CELSR1: variants seen among roughly 807,000 people sequenced by gnomAD.
CELSR1 encodes adhesion G protein-coupled receptor C1.
Under a neutral mutation model 249.1 loss-of-function variants are expected in CELSR1, and 110 were observed. The ratio of observed to expected loss-of-function variants is 0.44; its 90% CI spans 0.38 to 0.52. The LOEUF (loss-of-function observed/expected upper bound fraction) is 0.52, where lower values mean the gene tolerates loss of function less well. CELSR1 is among the 20% of genes least tolerant of loss of function. The pLI is 0.00. For synonymous variants in CELSR1, 2,113 were observed against 1,900.0 expected (o/e 1.11, Z -2.92); for missense variants, 4,109 against 4,296.4 (o/e 0.96, Z 1.22).
In CELSR1 at chr22:46,396,860, A is replaced by G. The variant is rs2079153414; in HGVS notation, c.5702-114T>C. 1.4e-6 allele frequency: 2 copies of G among 1,379,848 alleles called. No individual in the cohort carries two copies. The highest frequency in any genetic ancestry group is 2.0e-6 in the Non-Finnish European group (2 of 1,006,378). The allele number at this position is 1,379,848 out of a possible 1,614,324, so 85.5% of individuals were successfully genotyped here. A position where few individuals can be genotyped will look rare whatever the true frequency, so the allele number is the denominator to read the frequency against. On this transcript the variant is annotated intron_variant, in intron 12 of 34. Coordinates refer to ENST00000674500, the MANE Select transcript of CELSR1 (RefSeq NM_001378328.1). This position sits in a 1 kb window ranked among gnomAD's most constrained non-coding sequence, Gnocchi z 6.4. Reference sequence around the variant, plus strand: ...GATCTGACTTTCCCTGGTACTCAGCAGAGGGAAGAGGAAGAGTGCCACAGA... The same window carrying G: ...GATCTGACTTTCCCTGGTACTCAGCGGAGGGAAGAGGAAGAGTGCCACAGA...
rs1465661651 is a variant in CELSR1, at chr22:46,428,350, G to A, written c.4611+5043C>T. Among the ~76,000 whole-genome samples the A allele has an allele frequency of 6.6e-6, 1 of 152,200 alleles. No homozygotes were observed. The highest frequency in any genetic ancestry group is 2.4e-5 in the African/African-American group (1 of 41,446). ...GCCACCCGTGGCCAGCATGGCGATC[G>A]CGACCAGCACAGCATCGTCCCCGGC... is the stretch of plus-strand genomic sequence containing the variant. On this transcript the variant is annotated intron_variant, in intron 5 of 34. Coordinates refer to ENST00000674500, the MANE Select transcript of CELSR1 (RefSeq NM_001378328.1). The surrounding 1 kb of genome is among the most constrained non-coding windows in gnomAD (Gnocchi z 5.7).
chr22:46,478,753 C>T (rs553260461), intron 1 of CELSR1, among the ~76,000 whole-genome samples: 3 of 151,382 alleles, frequency 2.0e-5, no homozygotes, highest in Non-Finnish European at 4.4e-5. Context: ...GGGGTTTCAC[C>T]ATGTTAGCCA....
At chr22:46,530,332 T>C (rs1326813438) in intron 1 of CELSR1, 1 of 149,118 alleles carries the variant, frequency 6.7e-6, no homozygotes, top group Non-Finnish European at 1.5e-5. Context: ...TTATATATAA[T>C]TCATTATAAC....
intron 9 of CELSR1, among the ~76,000 whole-genome samples, chr22:46,405,527 G>A (rs1039105656): frequency 4.0e-5 from 6 of 151,512 alleles, no homozygotes; most frequent in Admixed American, 6.6e-5. Flanking sequence ...GAACTCCAAA[G>A]TGAGCAGATC....
chr22:46,462,912 G>A (rs11914038), intron 2 of CELSR1: 18,046 of 468,162 alleles, frequency 0.039, 1,093 homozygotes, highest in East Asian at 0.19. Context: ...GATGAGTCAC[G>A]AAATTTCTAC....
intron 1 of CELSR1, among the ~76,000 whole-genome samples, chr22:46,496,065 A>C (rs2080410270): frequency 6.6e-6 from 1 of 150,898 alleles, no homozygotes; most frequent in Non-Finnish European, 1.5e-5. Flanking sequence ...ATGGTGGTGC[A>C]AGCTTGTAAT....
Position 46,464,411 on chromosome 22 carries a change from T to A in CELSR1, c.3545-66A>T. ...GGAGTCACAGGTCCTATAGGCCCCA[T>A]CCCAGGAGCAGCCTCAGGCATGCTT... On this transcript the variant is annotated intron_variant, in intron 1 of 34. Transcript: ENST00000674500. The surrounding 1 kb of genome is among the most constrained non-coding windows in gnomAD (Gnocchi z 8.5). 6.5e-7 allele frequency: 1 copy of A among 1,528,140 alleles called. No homozygotes were observed. Among genetic ancestry groups the A allele is most frequent in the Admixed American group, 1.8e-5 (1 of 54,658 alleles). 94.7% of individuals were successfully genotyped at this position (1,528,140 alleles called of 1,614,324 possible). A position where few individuals can be genotyped will look rare whatever the true frequency, so the allele number is the denominator to read the frequency against.
rs2079295263 is a variant in CELSR1 at position 46,408,728 on chromosome 22, A to T, written c.5226+268T>A. On this transcript the variant is annotated intron_variant, in intron 9 of 34. Transcript: ENST00000674500. The surrounding 1 kb of genome is among the most constrained non-coding windows in gnomAD (Gnocchi z 4.6). Reference sequence around the variant, plus strand: ...TCTGCAATGCCCACGCTCCAGCCAAACCCTCAGGCTAGAGGGAGACCAGAA... The same window carrying T: ...TCTGCAATGCCCACGCTCCAGCCAATCCCTCAGGCTAGAGGGAGACCAGAA... Among the ~76,000 whole-genome samples the T allele has an allele frequency of 1.3e-5, 2 of 152,078 alleles. No individual in the cohort carries two copies. Among genetic ancestry groups the T allele is most frequent in the Non-Finnish European group, 2.9e-5 (2 of 67,998 alleles).
Position 46,473,185 on chromosome 22 carries a change from G to A in CELSR1, c.3545-8840C>T, listed in dbSNP as rs757103550. Among the ~76,000 whole-genome samples the A allele has an allele frequency of 5.3e-5, 8 of 152,130 alleles. No homozygotes were observed. Among genetic ancestry groups the A allele is most frequent in the Non-Finnish European group, 4.4e-5 (3 of 68,024 alleles). ...GGGGTGGACAGGACCCACGCACCAC[G>A]AGGAACCATCGCTGGCCCTTGACAG... On this transcript the variant is annotated intron_variant, in intron 1 of 34. Transcript: ENST00000674500. This position sits in a 1 kb window ranked among gnomAD's most constrained non-coding sequence, Gnocchi z 6.6.
rs775423517 is a variant in CELSR1 at position 46,367,007 on chromosome 22, C to T, written c.8191G>A (p.Ala2731Thr). The part of the protein sequence containing the change: ...LHLEDSATTR[A>T]TLLTRSLNCN... ...GCGCCTCCTACCGTCAGCAGGGTGG[C>T]CCTGGTGGTGGCGGAGTCCTCCAGG... The change falls in exon 29 of 35, where the codon GCC (alanine) becomes ACC (threonine). Residue 2731 changes from alanine (A) to threonine (T), a missense_variant. This residue lies in a region of CELSR1 where 1,805 missense variants were observed against 1,831.6 expected (regional missense o/e 0.99). Coordinates refer to ENST00000674500, the MANE Select transcript of CELSR1 (RefSeq NM_001378328.1). 3 of 1,609,876 alleles carry T rather than the reference C, an allele frequency of 1.9e-6. No individual in the cohort carries two copies. Among genetic ancestry groups the T allele is most frequent in the Non-Finnish European group, 1.7e-6 (2 of 1,179,398 alleles).
chr22:46,499,885 T>C (rs1279067194), intron 1 of CELSR1, among the ~76,000 whole-genome samples: 1 of 151,758 alleles, frequency 6.6e-6, no homozygotes, highest in Non-Finnish European at 1.5e-5. Context: ...CAAACCCCTC[T>C]CCTAAAAGCC....
At position 46,445,682 on chromosome 22, in the gene CELSR1, G is replaced by A. The variant is rs1001262323; in HGVS notation, c.4184-6271C>T. Among the ~76,000 whole-genome samples, 7 of 152,196 alleles carry A rather than the reference G, an allele frequency of 4.6e-5. No homozygotes were observed. The highest frequency in any genetic ancestry group is 1.3e-4 in the Admixed American group (2 of 15,282). ...TGAATTCACTACAGTGGCCCTCCGT[G>A]TTTGTCCTGGAATTGCAATCGCGTA... On this transcript the variant is annotated intron_variant, in intron 2 of 34. Coordinates refer to ENST00000674500, the MANE Select transcript of CELSR1 (RefSeq NM_001378328.1). This position sits in a 1 kb window ranked among gnomAD's most constrained non-coding sequence, Gnocchi z 4.4.
Position 46,397,709 on chromosome 22 carries a change from T to G in CELSR1, c.5666A>C (p.Asp1889Ala), listed in dbSNP as rs1569133996. The G allele has an allele frequency of 6.4e-7, 1 of 1,573,132 alleles. No individual in the cohort carries two copies. The highest frequency in any genetic ancestry group is 1.8e-5 in the Admixed American group (1 of 55,692). The change falls in exon 12 of 35, where the codon GAC becomes GCC. Residue 1889 changes from aspartate (D) to alanine (A), a missense_variant. Physicochemically the swap from Asp to Ala is moderately radical, Grantham distance 126 (BLOSUM62 -2). Around this residue, in one of 7 missense-constraint regions of CELSR1, gnomAD observed 1,805 missense variants for 1,831.6 expected, o/e 0.99. Transcript: ENST00000674500. Reference protein sequence around the residue: ...SPCPPNSRCHDAWEDYSCVCD... With the variant: ...SPCPPNSRCHAAWEDYSCVCD... ...GACGCAGCTGTAGTCCTCCCAGGCG[T>G]CGTGGCAGCGGCTATTGGGGGGACA...
At position 46,536,757 on chromosome 22, in the gene CELSR1, G is replaced by A; in HGVS notation, c.414C>T (p.Gly138=). 1.7e-6 allele frequency: 2 copies of A among 1,182,716 alleles called. No individual in the cohort carries two copies. Among genetic ancestry groups the A allele is most frequent in the East Asian group, 3.8e-5 (1 of 26,142 alleles). The allele number at this position is 1,182,716 out of a possible 1,614,324, so 73.3% of individuals were successfully genotyped here. A position where few individuals can be genotyped will look rare whatever the true frequency, so the allele number is the denominator to read the frequency against. ...GCGCCGAATGCTGCGCGGCCGCGCA[G>A]CCGCCGGGGACGGGGAAGCAGAGCG... ...CGALCFPVPG[G]CAAAQHSALA... Residue 138 remains glycine (G), a synonymous_variant, in exon 1 of 35, where the codon GGC becomes GGT. Coordinates refer to ENST00000674500, the MANE Select transcript of CELSR1 (RefSeq NM_001378328.1).
chr22:46,444,038 C>T (rs1313714509), intron 2 of CELSR1, among the ~76,000 whole-genome samples: 1 of 152,230 alleles, frequency 6.6e-6, no homozygotes, highest in African/African-American at 2.4e-5. Flanking sequence ...CCCTGCCCTT[C>T]CCACAGCCGC....
chr22:46,414,508 C>T (rs375093636), intron 5 of CELSR1, among the ~76,000 whole-genome samples: 4 of 151,972 alleles, frequency 2.6e-5, no homozygotes, highest in East Asian at 3.9e-4. Flanking sequence ...CGCCTCTCGG[C>T]GAGTGTGGGT....
At position 46,391,694 on chromosome 22, in the gene CELSR1, G is replaced by A. The variant is rs748244719; in HGVS notation, c.6087C>T (p.Ile2029=). The change falls in exon 15 of 35, where the codon ATC becomes ATT. Residue 2029 remains isoleucine, a synonymous_variant. Coordinates refer to ENST00000674500, the MANE Select transcript of CELSR1 (RefSeq NM_001378328.1). This position sits in a 1 kb window ranked among gnomAD's most constrained non-coding sequence, Gnocchi z 4.3. Reference sequence around the variant, plus strand: ...TGTCGCAGCGGTTGCACTGGCGGCCGATGACGCCGGGCTTGCAGGCACACT... The same window carrying A: ...TGTCGCAGCGGTTGCACTGGCGGCCAATGACGCCGGGCTTGCAGGCACACT... ...TGQCACKPGV[I]GRQCNRCDNP... 8.7e-6 allele frequency: 14 copies of A among 1,610,016 alleles called. No homozygotes were observed. The highest frequency in any genetic ancestry group is 4.5e-5 in the East Asian group (2 of 44,844).
intron 2 of CELSR1, among the ~76,000 whole-genome samples, chr22:46,443,642 CAT>C (rs1351442550): frequency 1.3e-5 from 2 of 150,050 alleles, no homozygotes; most frequent in African/African-American, 4.9e-5. Flanking sequence ...CCCGTCTACA[CAT>C]GTCCATACAC....
chr22:46,504,546 A>G (rs2080496901), intron 1 of CELSR1, among the ~76,000 whole-genome samples: 1 of 152,070 alleles, frequency 6.6e-6, no homozygotes, highest in Admixed American at 6.6e-5. Flanking sequence ...ATGGCTGCTA[A>G]GCAGATAAAA....
Sources: gnomAD v4.1 joint callset for allele counts (sites outside exome capture counted in the v4.1 genomes callset) on GRCh38, gnomAD v4.1.1 for gene constraint, gnomAD v4.1.1 regional missense constraint, Gnocchi (gnomAD v3.1) non-coding constraint, MANE v1.5 for transcripts, NCBI Gene and HGNC (gene_info 2026-07-23, HGNC 2026-07-21) for gene names.